Variants in CLSTN1 observed in about 807,000 individuals in gnomAD.
CLSTN1 encodes calsyntenin 1.
Under a neutral mutation model 108.3 loss-of-function variants are expected in CLSTN1, and 28 were observed. The ratio of observed to expected loss-of-function variants is 0.26; its 90% CI spans 0.19 to 0.35. CLSTN1 has a LOEUF of 0.35. CLSTN1 is among the 10% of genes least tolerant of loss of function. CLSTN1 has a pLI of 1.00. For missense variants in CLSTN1, 1,157 were observed against 1,302.6 expected (o/e 0.89, Z 1.72); for synonymous variants, 524 against 534.9 (o/e 0.98, Z 0.28).
At chr1:9,758,483 T>C (rs1651923602) in intron 2 of CLSTN1, among the ~76,000 whole-genome samples, 1 of 151,302 alleles carries the variant, frequency 6.6e-6, no homozygotes, top group Non-Finnish European at 1.5e-5. Context: ...CTCGCTAATT[T>C]TTGTATTTTT....
intron 4 of CLSTN1, among the ~76,000 whole-genome samples, chr1:9,753,284 C>T (rs1651645481): frequency 6.6e-6 from 1 of 152,134 alleles, no homozygotes; most frequent in African/African-American, 2.4e-5. Flanking sequence ...CTCACTCGCT[C>T]ACATGCTGTT....
chr1:9,733,012 G>A (rs1650489976), intron 16 of CLSTN1, among the ~76,000 whole-genome samples: 1 of 152,168 alleles, frequency 6.6e-6, no homozygotes, highest in South Asian at 2.1e-4. Flanking sequence ...GCAACATAGT[G>A]AGACCTCGTC....
intron 17 of CLSTN1, 89 bp from the exon 18 acceptor site, chr1:9,731,479 C>A: frequency 7.3e-7 from 1 of 1,377,902 alleles, no homozygotes. Context: ...CTGGTCAAAA[C>A]GGGCTGGACA....
At position 9,742,766 on chromosome 1, in the gene CLSTN1, G is replaced by A. The variant is rs187718355; in HGVS notation, c.1356+1118C>T. Among the ~76,000 whole-genome samples, 29 of 152,100 alleles carry A rather than the reference G, an allele frequency of 1.9e-4. No individual in the cohort carries two copies. In the East Asian group the frequency reaches 5.4e-3, roughly 28 times the overall value. On this transcript the variant is annotated intron_variant, in intron 9 of 18. Coordinates refer to ENST00000377298, the MANE Select transcript of CLSTN1 (RefSeq NM_001009566.3). ...CTACTAAAAATACAAAAATTAGCCG[G>A]GCGTGGTGGCGCACGCCTGTAATCC...
intron 2 of CLSTN1, among the ~76,000 whole-genome samples, chr1:9,765,307 C>T (rs948528462): frequency 6.6e-6 from 1 of 151,866 alleles, no homozygotes; most frequent in Non-Finnish European, 1.5e-5. Context: ...TCGCTTGAAC[C>T]CAGGAGGCGG....
chr1:9,798,959 T>A lies in CLSTN1; in HGVS notation c.91+24684A>T, dbSNP rs146474199. ...ACTTTGGGAGGGCGGGGCAGGAGGA[T>A]CACTTGAGCCCAGGAGTTTGAGCCC... is the stretch of plus-strand genomic sequence containing the variant. On this transcript the variant is annotated intron_variant, in intron 1 of 18. Coordinates refer to ENST00000377298, the MANE Select transcript of CLSTN1 (RefSeq NM_001009566.3). Among the ~76,000 whole-genome samples the A allele has an allele frequency of 3.3e-4, 50 of 152,018 alleles. No homozygotes were observed. In the East Asian group the frequency reaches 9.7e-3, roughly 29 times the overall value.
chr1:9,768,112 A>G (rs1011193582), intron 2 of CLSTN1, among the ~76,000 whole-genome samples: 1 of 152,050 alleles, frequency 6.6e-6, no homozygotes, highest in Non-Finnish European at 1.5e-5. Flanking sequence ...GCTACGATTC[A>G]CTCACTGGTC....
chr1:9,766,684 A>T (rs1276597389), intron 2 of CLSTN1, among the ~76,000 whole-genome samples: 1 of 152,204 alleles, frequency 6.6e-6, no homozygotes, highest in African/African-American at 2.4e-5. Flanking sequence ...AAATAATAAA[A>T]TACAAAAATT....
chr1:9,821,821 C>T (rs1409615123), intron 1 of CLSTN1, among the ~76,000 whole-genome samples: 1 of 152,140 alleles, frequency 6.6e-6, no homozygotes, highest in South Asian at 2.1e-4. Flanking sequence ...TGTAAAATGT[C>T]TTTATTCCGA....
chr1:9,817,797 T>C (rs1172392654), intron 1 of CLSTN1, among the ~76,000 whole-genome samples: 1 of 152,056 alleles, frequency 6.6e-6, no homozygotes, highest in African/African-American at 2.4e-5. Context: ...AGCAAAAATA[T>C]ACCTAAAACA....
At chr1:9,752,992 C>T (rs1651631216) in intron 4 of CLSTN1, among the ~76,000 whole-genome samples, 1 of 152,186 alleles carries the variant, frequency 6.6e-6, no homozygotes, top group African/African-American at 2.4e-5. Context: ...AAGACTAGAG[C>T]TTACAATCTA....
At chr1:9,785,085 TTTG>T in intron 1 of CLSTN1, among the ~76,000 whole-genome samples, 1 of 152,058 alleles carries the variant, frequency 6.6e-6, no homozygotes, top group South Asian at 2.1e-4. Context: ...CCAGCTAATT[TTTG>T]TTATTTTTAG....
intron 9 of CLSTN1, 29 bp downstream of exon 9, chr1:9,743,855 C>A (rs1164726068): frequency 1.2e-6 from 2 of 1,612,394 alleles, no homozygotes; most frequent in African/African-American, 1.3e-5. Context: ...CCTTGCCCGG[C>A]CCTATTAGTG....
chr1:9,782,461 C>G (rs1366887409), intron 1 of CLSTN1, among the ~76,000 whole-genome samples: 1 of 152,078 alleles, frequency 6.6e-6, no homozygotes, highest in Non-Finnish European at 1.5e-5. Context: ...AAAAACTAAA[C>G]TTTGAATGTA....
chr1:9,735,660 C>T (rs1420131384), intron 12 of CLSTN1, 45 bp from the exon 13 acceptor site: 1 of 1,610,430 alleles, frequency 6.2e-7, no homozygotes, highest in Admixed American at 1.7e-5. Flanking sequence ...AAGCCAGTAA[C>T]CGCAGGAGCT....
intron 7 of CLSTN1, among the ~76,000 whole-genome samples, chr1:9,748,537 G>A (rs901113666): frequency 1.3e-5 from 2 of 152,178 alleles, no homozygotes; most frequent in Non-Finnish European, 2.9e-5. Context: ...ATCCAGGCTG[G>A]AATGCAGCGG....
chr1:9,798,146 G>C (rs966644872), intron 1 of CLSTN1, among the ~76,000 whole-genome samples: 2 of 124,954 alleles, frequency 1.6e-5, no homozygotes, highest in Non-Finnish European at 3.3e-5. Context: ...GGGGAAGAGG[G>C]GAAGAGGGAG....
chr1:9,775,781 GGTTCT>G (rs773188546), intron 1 of CLSTN1, among the ~76,000 whole-genome samples: 10 of 152,082 alleles, frequency 6.6e-5, no homozygotes, highest in Non-Finnish European at 1.3e-4. Flanking sequence ...GAACCACTCA[GGTTCT>G]GTTAAGTGTG....
chr1:9,808,434 A>G (rs1425236152), intron 1 of CLSTN1, among the ~76,000 whole-genome samples: 2 of 152,198 alleles, frequency 1.3e-5, no homozygotes, highest in Non-Finnish European at 2.9e-5. Context: ...GAGCTTTATA[A>G]GCATTGTTTA....
Sources: gnomAD v4.1 joint callset for allele counts (sites outside exome capture counted in the v4.1 genomes callset) on GRCh38, gnomAD v4.1.1 for gene constraint, MANE v1.5 for transcripts, NCBI Gene and HGNC (gene_info 2026-07-23, HGNC 2026-07-21) for gene names.